CRPPA: variants seen among roughly 807,000 people sequenced by gnomAD.
The protein encoded by CRPPA is CDP-L-ribitol pyrophosphorylase A.
A neutral mutation model predicts 52.0 loss-of-function variants in CRPPA; 43 were observed. The ratio of observed to expected loss-of-function variants is 0.83; its 90% CI spans 0.65 to 1.07. The LOEUF (loss-of-function observed/expected upper bound fraction) is 1.07, where lower values mean the gene tolerates loss of function less well. Among genes scored for constraint, CRPPA ranks in the 50% least tolerant of loss-of-function variants. The pLI, the probability that CRPPA is intolerant of heterozygous loss-of-function variation, is 0.00. For synonymous variants in CRPPA, 250 were observed against 203.5 expected (o/e 1.23, Z -1.94); for missense variants, 629 against 551.7 (o/e 1.14, Z -1.40).
intron 2 of CRPPA, among the ~76,000 whole-genome samples, chr7:16,402,386 C>T (rs1397953097): frequency 6.6e-6 from 1 of 152,182 alleles, no homozygotes; most frequent in Non-Finnish European, 1.5e-5. Context: ...GCCTCAGAAA[C>T]ACACCCTTAT....
intron 9 of CRPPA, among the ~76,000 whole-genome samples, chr7:16,102,039 G>A (rs1782056055): frequency 6.6e-6 from 1 of 152,004 alleles, no homozygotes; most frequent in East Asian, 1.9e-4. Flanking sequence ...AGGCATCATG[G>A]TACCTGACTT....
chr7:16,255,714 T>C (rs1562589581), intron 8 of CRPPA, among the ~76,000 whole-genome samples: 1 of 152,124 alleles, frequency 6.6e-6, no homozygotes, highest in African/African-American at 2.4e-5. Flanking sequence ...ATTTAATAAG[T>C]GGTGCTGGGA....
chr7:16,256,712 A>G (rs1363027540), intron 8 of CRPPA, among the ~76,000 whole-genome samples: 1 of 152,156 alleles, frequency 6.6e-6, no homozygotes, highest in Non-Finnish European at 1.5e-5. Context: ...TAGCTGAACA[A>G]TGAGAACACA....
chr7:16,118,551 T>C (rs763079935), intron 9 of CRPPA, among the ~76,000 whole-genome samples: 1 of 152,180 alleles, frequency 6.6e-6, no homozygotes, highest in Non-Finnish European at 1.5e-5. Flanking sequence ...TCCCAGTGTG[T>C]AGCCTGCTTC....
chr7:16,398,822 C>T (rs1365717104), intron 2 of CRPPA, among the ~76,000 whole-genome samples: 6 of 152,176 alleles, frequency 3.9e-5, no homozygotes, highest in Non-Finnish European at 7.3e-5. Flanking sequence ...GTGACCAATA[C>T]GTTTGACACG....
chr7:16,257,054 G>T (rs769547556), intron 8 of CRPPA, among the ~76,000 whole-genome samples: 1 of 152,048 alleles, frequency 6.6e-6, no homozygotes, highest in Non-Finnish European at 1.5e-5. Flanking sequence ...CCTGATCAGG[G>T]CCTAGCAGTG....
chr7:16,180,595 T>C (rs933887110), intron 9 of CRPPA, among the ~76,000 whole-genome samples: 6 of 152,038 alleles, frequency 3.9e-5, no homozygotes, highest in Non-Finnish European at 8.8e-5. Context: ...TTCGAAATCA[T>C]ACAATGGAAT....
chr7:16,390,225 G>A (rs1285699972), intron 2 of CRPPA, among the ~76,000 whole-genome samples: 1 of 151,544 alleles, frequency 6.6e-6, no homozygotes, highest in Non-Finnish European at 1.5e-5. Flanking sequence ...ATTTAATTAT[G>A]CTTATTAATA....
At chr7:16,331,390 A>G (rs1562636192) in intron 3 of CRPPA, among the ~76,000 whole-genome samples, 2 of 152,124 alleles carry the variant, frequency 1.3e-5, no homozygotes, top group Non-Finnish European at 2.9e-5. Context: ...ACCTTGCCAC[A>G]TTACTAAGGG....
chr7:16,382,890 C>G (rs980837247), intron 2 of CRPPA, among the ~76,000 whole-genome samples: 3 of 152,118 alleles, frequency 2.0e-5, no homozygotes, highest in South Asian at 2.1e-4. Flanking sequence ...GTTATACATT[C>G]GTCTAAATTT....
intron 8 of CRPPA, among the ~76,000 whole-genome samples, chr7:16,219,577 T>C (rs1782440803): frequency 8.5e-6 from 1 of 118,066 alleles, no homozygotes; most frequent in Non-Finnish European, 1.8e-5. Flanking sequence ...GAGAGAAGAA[T>C]CAAAGAGATG....
At chr7:16,366,181 C>G (rs564029246) in intron 3 of CRPPA, among the ~76,000 whole-genome samples, 26 of 152,112 alleles carry the variant, frequency 1.7e-4, no homozygotes, top group Non-Finnish European at 1.3e-4. Context: ...TCTAAGTGTA[C>G]TAATCTCATT....
intron 9 of CRPPA, among the ~76,000 whole-genome samples, chr7:16,169,251 G>A (rs1781129067): frequency 6.6e-6 from 1 of 151,934 alleles, no homozygotes; most frequent in South Asian, 2.1e-4. Flanking sequence ...AATATGACAG[G>A]GGAAGTTTAA....
intron 9 of CRPPA, among the ~76,000 whole-genome samples, chr7:16,161,098 C>T (rs1211016342): frequency 1.3e-5 from 2 of 152,030 alleles, no homozygotes; most frequent in African/African-American, 4.8e-5. Flanking sequence ...GTCTCATATA[C>T]AATATACACA....
Position 16,335,699 on chromosome 7 carries a change from C to T in CRPPA, c.685-27072G>A, listed in dbSNP as rs1037455814. Among the ~76,000 whole-genome samples the T allele has an allele frequency of 2.0e-5, 3 of 152,156 alleles. No individual in the cohort carries two copies. In the East Asian group the frequency reaches 5.8e-4, roughly 29 times the overall value. ...TTCCTGAAAGAGGAAAGAAAAAGGC[C>T]TGGAAAGCATATTTAAAGAAACAAT... is the stretch of plus-strand genomic sequence containing the variant. On this transcript the variant is annotated intron_variant, in intron 3 of 9. Transcript: ENST00000407010.
At chr7:16,212,593 T>G (rs1049477789) in intron 9 of CRPPA, among the ~76,000 whole-genome samples, 1 of 152,168 alleles carries the variant, frequency 6.6e-6, no homozygotes, top group African/African-American at 2.4e-5. Flanking sequence ...AAGTTTGTGG[T>G]CACATATGGA....
intron 8 of CRPPA, 144 bp downstream of exon 8, chr7:16,258,246 A>T (rs1488191270): frequency 8.2e-6 from 4 of 485,684 alleles, no homozygotes; most frequent in Non-Finnish European, 1.4e-5. Flanking sequence ...TCATAGCTAG[A>T]GAGTAAGCAG....
At chr7:16,318,370 A>G (rs1379898612) in intron 3 of CRPPA, among the ~76,000 whole-genome samples, 1 of 152,098 alleles carries the variant, frequency 6.6e-6, no homozygotes, top group Non-Finnish European at 1.5e-5. Context: ...AAAGACCCAA[A>G]TATCTCTACA....
At chr7:16,143,329 A>C (rs1285153072) in intron 9 of CRPPA, among the ~76,000 whole-genome samples, 1 of 152,210 alleles carries the variant, frequency 6.6e-6, no homozygotes, top group Non-Finnish European at 1.5e-5. Flanking sequence ...CACTCAAGGA[A>C]TAAAAAACTT....
Sources: allele counts gnomAD v4.1 joint callset (sites outside exome capture counted in the v4.1 genomes callset), GRCh38; gene constraint gnomAD v4.1.1; transcripts MANE v1.5; gene names NCBI Gene and HGNC (gene_info 2026-07-23, HGNC 2026-07-21).